MARK1: variants seen among roughly 807,000 people sequenced by gnomAD.
MARK1 encodes the protein serine/threonine-protein kinase MARK1.
A neutral mutation model predicts 96.3 loss-of-function variants in MARK1; 40 were observed. The ratio of observed to expected loss-of-function variants is 0.42; its 90% CI spans 0.32 to 0.54. MARK1 has a LOEUF of 0.54. MARK1 is among the 20% of genes least tolerant of loss of function. The pLI, the probability that MARK1 is intolerant of heterozygous loss-of-function variation, is 0.16. For synonymous variants in MARK1, 317 were observed against 341.2 expected, an observed-to-expected ratio of 0.93 and a Z score of 0.78; for missense variants, 719 against 984.6, an observed-to-expected ratio of 0.73 and a Z score of 3.61.
intron 1 of MARK1, among the ~76,000 whole-genome samples, chr1:220,529,225 G>C (rs998342668): frequency 2.0e-5 from 3 of 152,162 alleles, no homozygotes; most frequent in Non-Finnish European, 4.4e-5. Flanking sequence ...GCCCCCACCC[G>C]AATGAATGCT....
At chr1:220,580,131 TG>T (rs1284479483) in intron 2 of MARK1, among the ~76,000 whole-genome samples, 1 of 152,096 alleles carries the variant, frequency 6.6e-6, no homozygotes, top group Non-Finnish European at 1.5e-5. Flanking sequence ...TTTGAATAAA[TG>T]TGTAACATTT....
intron 9 of MARK1, among the ~76,000 whole-genome samples, chr1:220,622,396 C>A (rs1290626427): frequency 1.3e-5 from 2 of 152,118 alleles, no homozygotes; most frequent in African/African-American, 4.8e-5. Flanking sequence ...ACTTTTGATA[C>A]TTAATTTTTC....
chr1:220,542,084 A>G (rs1338690819), intron 1 of MARK1, among the ~76,000 whole-genome samples: 1 of 152,118 alleles, frequency 6.6e-6, no homozygotes, highest in African/African-American at 2.4e-5. Flanking sequence ...AGAGCATTGG[A>G]TCCGTGCTCC....
At position 220,631,091 on chromosome 1, in the gene MARK1, A is replaced by G. The variant is rs778812492; in HGVS notation, c.966A>G (p.Pro322=). ...NVGHEEEELK[P]YTEPDPDFND... ...GTCATGAAGAGGAAGAACTAAAGCC[A>G]TATACTGAGCCTGATCCGGATTTCA... The change falls in exon 10 of 18, where the codon CCA becomes CCG. Residue 322 remains proline (P), a synonymous_variant. Coordinates refer to ENST00000366917, the MANE Select transcript of MARK1 (RefSeq NM_018650.5). The G allele has an allele frequency of 1.2e-6, 2 of 1,613,282 alleles. No individual in the cohort carries two copies. Among genetic ancestry groups the G allele is most frequent in the East Asian group, 2.2e-5 (1 of 44,816 alleles).
At chr1:220,578,586 C>G (rs1322754663) in intron 1 of MARK1, among the ~76,000 whole-genome samples, 1 of 152,150 alleles carries the variant, frequency 6.6e-6, no homozygotes, top group Non-Finnish European at 1.5e-5. Flanking sequence ...TTGGTCAGTT[C>G]TTTGAGTTAT....
At chr1:220,552,478 A>G (rs1661931058) in intron 1 of MARK1, among the ~76,000 whole-genome samples, 1 of 152,092 alleles carries the variant, frequency 6.6e-6, no homozygotes, top group South Asian at 2.1e-4. Flanking sequence ...CATCAAAACA[A>G]TCTTCAAAAG....
chr1:220,528,146 G>T lies in MARK1; in HGVS notation c.-677G>T, dbSNP rs1301041353. 1.3e-5 allele frequency: 2 copies of T among 150,834 alleles called. No individual in the cohort carries two copies. The highest frequency in any genetic ancestry group is 2.4e-5 in the African/African-American group (1 of 41,274). 9.3% of individuals were successfully genotyped at this position (150,834 alleles called of 1,614,324 possible). On this transcript the variant is annotated 5_prime_UTR_variant, in exon 1 of 18. Coordinates refer to ENST00000366917, the MANE Select transcript of MARK1 (RefSeq NM_018650.5). ...GGCTGGCGCCCGCCCACCCGGCGGC[G>T]GCCGCCAAGTGCCTCTGGGCGCTGC... is the stretch of plus-strand genomic sequence containing the variant.
At position 220,635,882 on chromosome 1, in the gene MARK1, T is replaced by C. The variant is rs1474597163; in HGVS notation, c.1326T>C (p.Ala442=). ...PAVSYTKRPQ[A]NSVESEQKEE... is the part of the protein sequence containing the mutation. Reference sequence around the variant, plus strand: ...TATCATATACCAAAAGACCTCAGGCTAACAGTGTGGAAAGTGAACAGAAAG... The same window carrying C: ...TATCATATACCAAAAGACCTCAGGCCAACAGTGTGGAAAGTGAACAGAAAG... The change falls in exon 13 of 18, where the codon GCT becomes GCC. Residue 442 remains alanine, a synonymous_variant. Transcript: ENST00000366917. The C allele has an allele frequency of 6.2e-7, 1 of 1,613,848 alleles. No homozygotes were observed. The highest frequency in any genetic ancestry group is 8.5e-7 in the Non-Finnish European group (1 of 1,179,906).
intron 1 of MARK1, among the ~76,000 whole-genome samples, chr1:220,555,884 A>G (rs796986644): frequency 1.1e-4 from 16 of 152,318 alleles, no homozygotes; most frequent in African/African-American, 3.6e-4. Flanking sequence ...GAGAGTACCA[A>G]AAACATAGTG....
At chr1:220,592,195 G>A (rs940035488) in intron 3 of MARK1, among the ~76,000 whole-genome samples, 26 of 147,746 alleles carry the variant, frequency 1.8e-4, no homozygotes, top group African/African-American at 5.2e-4. Context: ...AAAAGGTGAT[G>A]GAATTTCACT....
At chr1:220,621,817 T>C (rs2102980177) in intron 9 of MARK1, among the ~76,000 whole-genome samples, 1 of 152,282 alleles carries the variant, frequency 6.6e-6, no homozygotes, top group South Asian at 2.1e-4. Context: ...TTTTACATGG[T>C]TGCATATTGT....
intron 6 of MARK1, among the ~76,000 whole-genome samples, chr1:220,611,157 T>G (rs1666417679): frequency 6.6e-6 from 1 of 152,220 alleles, no homozygotes; most frequent in Non-Finnish European, 1.5e-5. Flanking sequence ...TGCTGCCTTT[T>G]GTTCAACCAT....
intron 3 of MARK1, among the ~76,000 whole-genome samples, chr1:220,590,561 G>A (rs1664918595): frequency 6.6e-6 from 1 of 152,126 alleles, no homozygotes; most frequent in Non-Finnish European, 1.5e-5. Context: ...TAGTCACACT[G>A]GGCATTAGGG....
At chr1:220,529,701 AG>A (rs1660178930) in intron 1 of MARK1, among the ~76,000 whole-genome samples, 1 of 152,228 alleles carries the variant, frequency 6.6e-6, no homozygotes, top group African/African-American at 2.4e-5. Context: ...ATCAAGATGC[AG>A]ATGTGCCGGG....
intron 3 of MARK1, among the ~76,000 whole-genome samples, chr1:220,582,981 G>A (rs2786611): frequency 0.94 from 142,940 of 152,212 alleles, 67,824 homozygotes; most frequent in East Asian, 1. Flanking sequence ...AGTTCTGAAG[G>A]AAAAGCAGAT....
At chr1:220,530,855 T>C (rs1037995737) in intron 1 of MARK1, among the ~76,000 whole-genome samples, 1 of 152,222 alleles carries the variant, frequency 6.6e-6, no homozygotes, top group Non-Finnish European at 1.5e-5. Context: ...TAGCTTACTT[T>C]ACCCACACCT....
chr1:220,581,239 A>G (rs1008263174), intron 3 of MARK1, 121 bp downstream of exon 3: 1 of 372,102 alleles, frequency 2.7e-6, no homozygotes. Context: ...CAATATAAGA[A>G]GAAAAGACAT....
At chr1:220,561,023 A>C (rs1471074001) in intron 1 of MARK1, among the ~76,000 whole-genome samples, 6 of 152,090 alleles carry the variant, frequency 3.9e-5, no homozygotes, top group African/African-American at 1.2e-4. Flanking sequence ...TTGCCAAGCA[A>C]ATATGGAAGA....
At chr1:220,643,476 G>GA (rs771615031) in intron 13 of MARK1, among the ~76,000 whole-genome samples, 5 of 152,074 alleles carry the variant, frequency 3.3e-5, no homozygotes, top group Non-Finnish European at 4.4e-5. Context: ...GAGACAGGGA[G>GA]AATGGAACCA....
Sources: allele counts gnomAD v4.1 joint callset (sites outside exome capture counted in the v4.1 genomes callset), GRCh38; gene constraint gnomAD v4.1.1; transcripts MANE v1.5; gene names NCBI Gene and HGNC (gene_info 2026-07-23, HGNC 2026-07-21).